Variants in TACC2 observed in about 807,000 individuals in gnomAD.
TACC2 encodes the protein transforming acidic coiled-coil containing protein 2.
In TACC2, 137 loss-of-function variants were observed where a neutral mutation model predicts 227.3. That is an observed-to-expected ratio of 0.60 (90% CI 0.52 to 0.69). The LOEUF is 0.69. Among genes scored for constraint, TACC2 ranks in the 30% least tolerant of loss-of-function variants. The probability of loss-of-function intolerance (pLI) is 0.00; values close to 1 mark genes in which losing one functional copy is unlikely to be tolerated. For missense variants in TACC2, 3,470 were observed against 3,694.4 expected, an observed-to-expected ratio of 0.94 and a Z score of 1.57; for synonymous variants, 1,523 against 1,487.5, an observed-to-expected ratio of 1.02 and a Z score of -0.55.
chr10:122,138,716 C>CT (rs2090075188), intron 6 of TACC2, among the ~76,000 whole-genome samples: 1 of 152,174 alleles, frequency 6.6e-6, no homozygotes, highest in Admixed American at 6.5e-5. Context: ...TCTTCAGAGC[C>CT]TTTGAGTTTC....
chr10:122,021,629 T>G (rs1329351341), intron 1 of TACC2, among the ~76,000 whole-genome samples: 1 of 152,092 alleles, frequency 6.6e-6, no homozygotes, highest in Non-Finnish European at 1.5e-5. Flanking sequence ...GGACCCCTTT[T>G]GTCACTCCGT....
At chr10:122,025,454 G>T (rs1049902118) in intron 2 of TACC2, among the ~76,000 whole-genome samples, 2 of 151,974 alleles carry the variant, frequency 1.3e-5, no homozygotes, top group Non-Finnish European at 1.5e-5. Context: ...GTAGAGACGA[G>T]GTTTCACTAT....
intron 5 of TACC2, 30 bp downstream of exon 5, chr10:122,088,621 C>G (rs1436051008): frequency 1.9e-6 from 3 of 1,602,244 alleles, no homozygotes; most frequent in South Asian, 1.1e-5. Flanking sequence ...CTTTGGAAGG[C>G]CATGATGCCT....
chr10:122,212,425 C>T (rs983924207), intron 9 of TACC2, among the ~76,000 whole-genome samples: 7 of 151,986 alleles, frequency 4.6e-5, no homozygotes, highest in Admixed American at 6.5e-5. Flanking sequence ...CCAAGTACAT[C>T]GTGCTTAAAT....
chr10:122,144,228 T>A (rs1384897986), intron 7 of TACC2, among the ~76,000 whole-genome samples: 1 of 152,096 alleles, frequency 6.6e-6, no homozygotes, highest in Admixed American at 6.6e-5. Context: ...CCACCCACAT[T>A]ATAGGAGGTA....
At chr10:122,242,026 T>G in intron 19 of TACC2, 25 bp downstream of exon 19, 1 of 1,609,510 alleles carries the variant, frequency 6.2e-7, no homozygotes, top group Non-Finnish European at 8.5e-7. Context: ...CTGCGGGGGC[T>G]CAGGCCGGCC....
intron 11 of TACC2, among the ~76,000 whole-genome samples, chr10:122,219,551 T>G (rs1183381834): frequency 6.6e-6 from 1 of 152,130 alleles, no homozygotes; most frequent in East Asian, 1.9e-4. Flanking sequence ...AGCTCAGCAA[T>G]TTGATCCTGC....
chr10:122,000,300 A>T (rs531087030), intron 1 of TACC2, among the ~76,000 whole-genome samples: 7 of 152,134 alleles, frequency 4.6e-5, no homozygotes, highest in Non-Finnish European at 1.0e-4. Context: ...AATGGCGTGA[A>T]CCCAGGAGGC....
At chr10:122,234,942 T>G (rs897985909) in intron 16 of TACC2, among the ~76,000 whole-genome samples, 1 of 152,234 alleles carries the variant, frequency 6.6e-6, no homozygotes, top group African/African-American at 2.4e-5. Flanking sequence ...ATTCTCCATT[T>G]TATTCATCTT....
In TACC2 at chr10:122,084,946, G is replaced by A. The variant is rs1337562560; in HGVS notation, c.2446G>A (p.Gly816Arg). 1 of 1,614,176 alleles carries A rather than the reference G, an allele frequency of 6.2e-7. No homozygotes were observed. The highest frequency in any genetic ancestry group is 1.1e-5 in the South Asian group (1 of 91,086). ...PSCPGEGWIR[G>R]AASEWPLLSS... Reference sequence around the variant, plus strand: ...CTGCCCAGGGGAAGGCTGGATAAGAGGAGCTGCATCCGAGTGGCCCCTACT... The same window carrying A: ...CTGCCCAGGGGAAGGCTGGATAAGAAGAGCTGCATCCGAGTGGCCCCTACT... Residue 816 changes from glycine to arginine, a missense_variant, in exon 4 of 23, where the codon GGA (glycine) becomes AGA (arginine). Physicochemically the swap from Gly to Arg is moderately radical, Grantham distance 125. This residue lies in a region of TACC2 where 1,924 missense variants were observed against 1,978.3 expected (regional missense o/e 0.97). Transcript: ENST00000369005.
chr10:122,042,712 C>A (rs543201366), intron 2 of TACC2, among the ~76,000 whole-genome samples: 30 of 152,246 alleles, frequency 2.0e-4, no homozygotes, highest in Admixed American at 3.9e-4. Flanking sequence ...GCAGTTATGA[C>A]CCCCATTCTA....
intron 3 of TACC2, among the ~76,000 whole-genome samples, chr10:122,053,145 AT>A (rs2136243871): frequency 6.6e-6 from 1 of 152,302 alleles, no homozygotes; most frequent in East Asian, 1.9e-4. Context: ...AGACTGGGCA[AT>A]TTACAAAGAA....
rs778606346 is a variant in TACC2, at chr10:122,143,649, G to A, written c.5777G>A (p.Gly1926Asp). The change falls in exon 7 of 23, where the codon GGT (glycine) becomes GAT (aspartate). Residue 1926 changes from glycine (G) to aspartate (D), a missense_variant. By Grantham distance (94) the Gly-to-Asp change is moderately conservative. This residue lies in a region of TACC2 where 1,924 missense variants were observed against 1,978.3 expected (regional missense o/e 0.97). Coordinates refer to ENST00000369005, the MANE Select transcript of TACC2 (RefSeq NM_206862.4). ...ATAGTTTCGCCATCTGCCCCAGCTG[G>A]TGACAGAGTAGAAGCTTCCACTCCC... ...EHIVSPSAPA[G>D]DRVEASTPSC... 6.2e-6 allele frequency: 10 copies of A among 1,614,074 alleles called. No homozygotes were observed. Among genetic ancestry groups the A allele is most frequent in the Non-Finnish European group, 8.5e-6 (10 of 1,180,044 alleles).
chr10:122,120,650 C>G (rs551448901), intron 5 of TACC2, among the ~76,000 whole-genome samples: 11 of 152,348 alleles, frequency 7.2e-5, no homozygotes, highest in African/African-American at 1.7e-4. Flanking sequence ...GAGGGACTTT[C>G]TGCTGTCACA....
At chr10:122,198,471 A>G (rs1265406005) in intron 8 of TACC2, among the ~76,000 whole-genome samples, 1 of 152,134 alleles carries the variant, frequency 6.6e-6, no homozygotes, top group Non-Finnish European at 1.5e-5. Flanking sequence ...TCATAATTAC[A>G]TGTCATGTAA....
rs189145772 is a variant in TACC2 at position 122,050,689 on chromosome 10, C to G, written c.146+139C>G. On this transcript the variant is annotated intron_variant, in intron 3 of 22. Transcript: ENST00000369005. The surrounding 1 kb of genome is among the most constrained non-coding windows in gnomAD (Gnocchi z 4.6). ...TATCGTCCTCAGTGGTGAGATGTTC[C>G]AAGCAGTGGTTCACAGACCTCTCTG... 16 of 656,098 alleles carry G rather than the reference C, an allele frequency of 2.4e-5. No homozygotes were observed. Among genetic ancestry groups the G allele is most frequent in the Non-Finnish European group, 8.0e-6 (3 of 374,928 alleles). The allele number at this position is 656,098 out of a possible 1,614,324, so 40.6% of individuals were successfully genotyped here. A position where few individuals can be genotyped will look rare whatever the true frequency, so the allele number is the denominator to read the frequency against.
chr10:122,132,082 G>GAAAGAAAGAA lies in TACC2; in HGVS notation c.5574-526_5574-525insAAGAAAGAAA, dbSNP rs138785067. Among the ~76,000 whole-genome samples, 576 of 136,064 alleles carry GAAAGAAAGAA rather than the reference G, an allele frequency of 4.2e-3. 9 individuals carry two copies. The highest frequency in any genetic ancestry group is 0.015 in the African/African-American group (496 of 33,908). The allele number at this position is 136,064 out of a possible 152,430, so 89.3% of individuals were successfully genotyped here. ...AAAGAAAGAAAAAGAAAGAAAGAAA[G>GAAAGAAAGAA]AGAAAGATCTACAAAGGTTTCTAAA... On this transcript the variant is annotated intron_variant, in intron 5 of 22. Coordinates refer to ENST00000369005, the MANE Select transcript of TACC2 (RefSeq NM_206862.4).
chr10:122,031,743 C>T (rs2135801339), intron 2 of TACC2, among the ~76,000 whole-genome samples: 1 of 151,412 alleles, frequency 6.6e-6, no homozygotes, highest in African/African-American at 2.4e-5. Flanking sequence ...CTCACTCTGT[C>T]ACCTAGCGTG....
intron 5 of TACC2, among the ~76,000 whole-genome samples, chr10:122,095,814 A>C (rs1178517743): frequency 6.6e-6 from 1 of 152,248 alleles, no homozygotes; most frequent in Non-Finnish European, 1.5e-5. Flanking sequence ...GCTGCTGGCC[A>C]CAGGCTGCTA....
Sources: allele counts gnomAD v4.1 joint callset (sites outside exome capture counted in the v4.1 genomes callset), GRCh38; gene constraint gnomAD v4.1.1; regional missense constraint gnomAD v4.1.1; non-coding constraint Gnocchi (gnomAD v3.1); transcripts MANE v1.5; gene names NCBI Gene and HGNC (gene_info 2026-07-23, HGNC 2026-07-21).